The following NAV2 variants were observed in gnomAD, a reference collection of about 807,000 sequenced individuals.
The protein encoded by NAV2 is helicase, APC down-regulated 1.
NAV2 carries 54 observed loss-of-function variants against 223.2 expected under a neutral mutation model. That is an observed-to-expected ratio of 0.24 (90% CI 0.19 to 0.30). The LOEUF is 0.30. NAV2 is among the 10% of genes least tolerant of loss of function. NAV2 has a pLI of 1.00. For missense variants in NAV2, 2,806 were observed against 3,147.5 expected, an observed-to-expected ratio of 0.89 and a Z score of 2.60; for synonymous variants, 1,279 against 1,239.3, an observed-to-expected ratio of 1.03 and a Z score of -0.67.
chr11:19,777,249 G>A (rs1484066488), intron 1 of NAV2, among the ~76,000 whole-genome samples: 1 of 151,564 alleles, frequency 6.6e-6, no homozygotes, highest in South Asian at 2.1e-4. Flanking sequence ...GGCAGCGCGG[G>A]CGCCGGTCTC....
intron 1 of NAV2, among the ~76,000 whole-genome samples, chr11:19,638,862 G>T (rs139772596): frequency 6.6e-6 from 1 of 152,028 alleles, no homozygotes; most frequent in Admixed American, 6.5e-5. Context: ...GCGTGGTGGC[G>T]CACACCTGTA....
At chr11:19,464,419 GA>G (rs1852276560) in intron 1 of NAV2, among the ~76,000 whole-genome samples, 1 of 152,164 alleles carries the variant, frequency 6.6e-6, no homozygotes, top group African/African-American at 2.4e-5. Context: ...ATACAGGATA[GA>G]TCCTGCTGAT....
intron 1 of NAV2, among the ~76,000 whole-genome samples, chr11:19,364,341 C>A (rs1854137579): frequency 1.3e-5 from 2 of 152,166 alleles, no homozygotes; most frequent in African/African-American, 4.8e-5. Flanking sequence ...GAAGCCGTAG[C>A]TGGTTCTCTT....
intron 1 of NAV2, among the ~76,000 whole-genome samples, chr11:19,726,477 C>T (rs1174671466): frequency 1.3e-5 from 2 of 152,212 alleles, no homozygotes; most frequent in African/African-American, 4.8e-5. Context: ...GGAATGTCTT[C>T]CCCAGATACC....
chr11:19,764,115 C>T (rs926087006), intron 1 of NAV2, among the ~76,000 whole-genome samples: 3 of 152,144 alleles, frequency 2.0e-5, no homozygotes, highest in Admixed American at 6.5e-5. Flanking sequence ...AGGACGAACA[C>T]GTGCCTTAGT....
intron 1 of NAV2, among the ~76,000 whole-genome samples, chr11:19,547,816 T>C (rs1474450400): frequency 6.6e-6 from 1 of 152,188 alleles, no homozygotes; most frequent in Non-Finnish European, 1.5e-5. Flanking sequence ...GAACTCACTT[T>C]TACTATAAGA....
At chr11:19,949,388 C>T (rs951576602) in intron 10 of NAV2, among the ~76,000 whole-genome samples, 3 of 152,224 alleles carry the variant, frequency 2.0e-5, no homozygotes, top group African/African-American at 7.2e-5. Flanking sequence ...ACGGCCTCCC[C>T]GGGCCTATGA....
At chr11:19,975,032 C>T (rs993815456) in intron 10 of NAV2, among the ~76,000 whole-genome samples, 4 of 152,172 alleles carry the variant, frequency 2.6e-5, no homozygotes, top group African/African-American at 9.7e-5. Context: ...CTCCTTTCAC[C>T]ATCTGTTTCA....
At chr11:19,696,370 G>C (rs2152274008) in intron 1 of NAV2, among the ~76,000 whole-genome samples, 1 of 152,300 alleles carries the variant, frequency 6.6e-6, no homozygotes, top group East Asian at 1.9e-4. Flanking sequence ...AAAAACCTAA[G>C]AATCCTAGAG....
At position 19,892,589 on chromosome 11, in the gene NAV2, A is replaced by G; in HGVS notation, c.926A>G (p.Glu309Gly). 21 of 1,613,566 alleles carry G rather than the reference A, an allele frequency of 1.3e-5. No homozygotes were observed. Among genetic ancestry groups the G allele is most frequent in the Non-Finnish European group, 1.8e-5 (21 of 1,179,742 alleles). The change falls in exon 6 of 38, where the codon GAG becomes GGG. Residue 309 changes from glutamate (E) to glycine (G), a missense_variant. Glu to Gly is a moderately conservative substitution (Grantham distance 98). Coordinates refer to ENST00000349880, the MANE Select transcript of NAV2 (RefSeq NM_145117.5). ...CCACCCCCACCGCCAAGCAGCCACGAGAAAGGTGAGTCACCTTCTTGAGGA... is the reference window on the plus strand; with the variant it reads ...CCACCCCCACCGCCAAGCAGCCACGGGAAAGGTGAGTCACCTTCTTGAGGA... ...TSPPPPPSSH[E>G]KEPLASSASS...
chr11:19,371,989 G>C (rs1490714315), intron 1 of NAV2, among the ~76,000 whole-genome samples: 8 of 152,054 alleles, frequency 5.3e-5, no homozygotes, highest in Non-Finnish European at 1.0e-4. Context: ...ATGTTGGCCA[G>C]GCTGGTCTGG....
At chr11:19,621,363 C>T (rs4556516) in intron 1 of NAV2, among the ~76,000 whole-genome samples, 122,308 of 152,156 alleles carry the variant, frequency 0.8, 53,607 homozygotes, top group Non-Finnish European at 0.98. Context: ...TGGTAGAATT[C>T]GGCTGTGAAT....
At chr11:19,897,240 G>C (rs376297474) in intron 6 of NAV2, among the ~76,000 whole-genome samples, 8 of 152,104 alleles carry the variant, frequency 5.3e-5, no homozygotes, top group Admixed American at 5.2e-4. Context: ...TTGTGGGGTG[G>C]GGGGAGGAGG....
intron 1 of NAV2, among the ~76,000 whole-genome samples, chr11:19,795,854 A>G (rs1390484889): frequency 4.6e-5 from 7 of 152,210 alleles, no homozygotes; most frequent in African/African-American, 1.7e-4. Context: ...TTTTATAGAT[A>G]CTTTGAGCCC....
Position 19,450,872 on chromosome 11 carries a change from T to C in NAV2, c.75+99845T>C, listed in dbSNP as rs115876220. ...GCTTGGTGTTTCTGAAGCCTCCTCATTGAAGCCACCTGTGCATTATGGTGC... is the reference window on the plus strand; with the variant it reads ...GCTTGGTGTTTCTGAAGCCTCCTCACTGAAGCCACCTGTGCATTATGGTGC... On this transcript the variant is annotated intron_variant, in intron 1 of 37. Coordinates refer to the NAV2 transcript ENST00000360655. 6.2e-3 allele frequency among the ~76,000 whole-genome samples: 937 copies of C among 152,228 alleles called. 2 individuals carry two copies. Among genetic ancestry groups the C allele is most frequent in the African/African-American group, 0.019 (810 of 41,542 alleles).
chr11:20,040,652 A>C (rs1372052482), intron 12 of NAV2, among the ~76,000 whole-genome samples: 1 of 151,952 alleles, frequency 6.6e-6, no homozygotes, highest in African/African-American at 2.4e-5. Flanking sequence ...TTCTTTCCTC[A>C]CCTTCCCATG....
chr11:19,505,798 C>G (rs2043107098), intron 1 of NAV2: 1 of 152,162 alleles, frequency 6.6e-6, no homozygotes, highest in Non-Finnish European at 1.5e-5. Context: ...GCTAGCTTCT[C>G]TAGAAGATAG....
intron 1 of NAV2, among the ~76,000 whole-genome samples, chr11:19,442,705 A>G (rs1347536011): frequency 6.6e-6 from 1 of 152,198 alleles, no homozygotes; most frequent in African/African-American, 2.4e-5. Context: ...CCCTGCCACC[A>G]ACTGGCTGTG....
intron 1 of NAV2, among the ~76,000 whole-genome samples, chr11:19,468,191 T>A (rs997744066): frequency 4.6e-5 from 7 of 152,354 alleles, no homozygotes; most frequent in African/African-American, 1.7e-4. Flanking sequence ...GGCAAGTTAG[T>A]CAATGCACTT....
Sources: allele counts gnomAD v4.1 joint callset (sites outside exome capture counted in the v4.1 genomes callset), GRCh38; gene constraint gnomAD v4.1.1; transcripts MANE v1.5; gene names NCBI Gene and HGNC (gene_info 2026-07-23, HGNC 2026-07-21).